The following RAB6A variants were observed in gnomAD, a reference collection of about 807,000 sequenced individuals.
RAB6A encodes the protein RAB6A, member RAS oncogene family, also known as ras-related protein Rab-6A.
A neutral mutation model predicts 32.3 loss-of-function variants in RAB6A; 8 were observed. The ratio of observed to expected loss-of-function variants is 0.25; its 90% confidence interval spans 0.15 to 0.45. The LOEUF (loss-of-function observed/expected upper bound fraction) is 0.45, where lower values mean the gene tolerates loss of function less well. Ranked by LOEUF, RAB6A falls within the 20% of genes least tolerant of loss-of-function variation. The pLI is 1.00. For synonymous variants in RAB6A, 73 were observed against 82.1 expected, an observed-to-expected ratio of 0.89 and a Z score of 0.60; for missense variants, 104 against 249.4, an observed-to-expected ratio of 0.42 and a Z score of 3.93.
chr11:73,679,250 G>A (rs369915597), intron 7 of RAB6A, among the ~76,000 whole-genome samples: 2 of 152,308 alleles, frequency 1.3e-5, no homozygotes, highest in Admixed American at 1.3e-4. Context: ...TCTGAAAGCA[G>A]AGGCTACAAT....
chr11:73,705,803 A>AGAGAGAGAGAGAGAGAG (rs1945832018), intron 6 of RAB6A, among the ~76,000 whole-genome samples: 1 of 145,284 alleles, frequency 6.9e-6, no homozygotes, highest in African/African-American at 2.5e-5. Context: ...AGAGAGAGAG[A>AGAGAGAGAGAGAGAGAG]TTTTCAATAT....
intron 1 of RAB6A, among the ~76,000 whole-genome samples, chr11:73,739,764 G>A (rs1449326085): frequency 6.6e-6 from 1 of 152,000 alleles, no homozygotes; most frequent in African/African-American, 2.4e-5. Flanking sequence ...GCATAAAAAA[G>A]AGAAGCCTCA....
chr11:73,717,004 T>C (rs557867016), intron 4 of RAB6A, among the ~76,000 whole-genome samples: 2 of 152,316 alleles, frequency 1.3e-5, no homozygotes, highest in Admixed American at 1.3e-4. Context: ...CATTTGTGGA[T>C]TTAAAAAAAA....
chr11:73,748,389 G>C (rs1946623745), intron 1 of RAB6A, among the ~76,000 whole-genome samples: 1 of 152,186 alleles, frequency 6.6e-6, no homozygotes, highest in Non-Finnish European at 1.5e-5. Flanking sequence ...TAGCAAAATA[G>C]TTACAATACG....
chr11:73,708,515 A>G (rs1227222718), intron 5 of RAB6A, among the ~76,000 whole-genome samples: 4 of 152,180 alleles, frequency 2.6e-5, no homozygotes, highest in African/African-American at 4.8e-5. Flanking sequence ...AAAGACATGT[A>G]TGGTAAAGCC....
chr11:73,710,735 T>C (rs193222664), intron 5 of RAB6A, among the ~76,000 whole-genome samples: 30 of 150,104 alleles, frequency 2.0e-4, no homozygotes, highest in Admixed American at 1.9e-3. Flanking sequence ...AGACTCAGTC[T>C]TGAAAAAAAA....
chr11:73,731,721 T>TACACACAC (rs1946312697), intron 1 of RAB6A, among the ~76,000 whole-genome samples: 1 of 11,142 alleles, frequency 9.0e-5, no homozygotes, highest in East Asian at 3.0e-3. Flanking sequence ...TATATATATA[T>TACACACAC]ATATATATAT....
At chr11:73,715,241 C>T in intron 5 of RAB6A, among the ~76,000 whole-genome samples, 1 of 152,122 alleles carries the variant, frequency 6.6e-6, no homozygotes, top group South Asian at 2.1e-4. Context: ...GTTCTCCTGC[C>T]TCAGCCTCCC....
intron 1 of RAB6A, among the ~76,000 whole-genome samples, chr11:73,759,701 G>A (rs554838139): frequency 6.6e-6 from 1 of 152,294 alleles, no homozygotes; most frequent in East Asian, 1.9e-4. Flanking sequence ...GTACCACCAT[G>A]AGACTCAGAC....
In RAB6A at chr11:73,722,305, G is replaced by GTGTGTATGTATATA. The variant is rs1238666420; in HGVS notation, c.130-1407_130-1406insTATATACATACACA. ...AAAATTCAAATATATATGTGTGTGT[G>GTGTGTATGTATATA]TATATATATATATATATATATATAT... On this transcript the variant is annotated intron_variant, in intron 2 of 7. Coordinates refer to ENST00000336083, the MANE Select transcript of RAB6A (RefSeq NM_198896.2). 2.0e-3 allele frequency: 84 copies of GTGTGTATGTATATA among 42,340 alleles called. 2 individuals carry two copies. Among genetic ancestry groups the GTGTGTATGTATATA allele is most frequent in the African/African-American group, 8.2e-3 (83 of 10,106 alleles). The allele number at this position is 42,340 out of a possible 1,614,324, so 2.6% of individuals were successfully genotyped here. A position where few individuals can be genotyped will look rare whatever the true frequency, so the allele number is the denominator to read the frequency against.
intron 1 of RAB6A, among the ~76,000 whole-genome samples, chr11:73,739,280 A>ATACATATATATATATATATATATATAT (rs1389085059): frequency 3.8e-4 from 7 of 18,418 alleles, no homozygotes; most frequent in Admixed American, 9.5e-4. Flanking sequence ...AAAAAAAAAA[A>ATACATATATATATATATATATATATAT]AAAAATATAT....
At chr11:73,685,959 C>G (rs905324161) in intron 6 of RAB6A, among the ~76,000 whole-genome samples, 2 of 146,186 alleles carry the variant, frequency 1.4e-5, no homozygotes, top group African/African-American at 5.1e-5. Flanking sequence ...TAAATGAACT[C>G]ATGGGCCTGC....
At chr11:73,737,265 G>C (rs548962487) in intron 1 of RAB6A, among the ~76,000 whole-genome samples, 1 of 152,190 alleles carries the variant, frequency 6.6e-6, no homozygotes, top group South Asian at 2.1e-4. Flanking sequence ...GAGGAGGATC[G>C]AGTGAATACA....
At position 73,750,417 on chromosome 11, in the gene RAB6A, T is replaced by TAGTG. The variant is rs1260565573; in HGVS notation, c.70+10148_70+10149insCACT. Among the ~76,000 whole-genome samples the TAGTG allele has an allele frequency of 5.2e-3, 782 of 151,764 alleles. 6 individuals are homozygous for TAGTG. Among genetic ancestry groups the TAGTG allele is most frequent in the African/African-American group, 0.017 (712 of 41,358 alleles). On this transcript the variant is annotated intron_variant, in intron 1 of 7. Transcript: ENST00000336083. Reference sequence around the variant, plus strand: ...CAGGCTGGAGTGCAGTGGCATGATGTCAGCTCACTGCAAACTCCACCTCCC... The same window carrying TAGTG: ...CAGGCTGGAGTGCAGTGGCATGATGTAGTGCAGCTCACTGCAAACTCCACCTCCC...
At position 73,676,510 on chromosome 11, in the gene RAB6A, A is replaced by G. The variant is rs1338372892; in HGVS notation, c.*1388T>C. ...AAAAAAAAAAGGCAAAGAAATAAAT[A>G]TCACCAAAGAAAAAAGATTAATTGT... On this transcript the variant is annotated 3_prime_UTR_variant, in exon 8 of 8. Coordinates refer to ENST00000336083, the MANE Select transcript of RAB6A (RefSeq NM_198896.2). The G allele has an allele frequency of 1.2e-5, 2 of 166,976 alleles. No individual in the cohort carries two copies. The highest frequency in any genetic ancestry group is 1.3e-4 in the Admixed American group (2 of 15,286). 10.3% of individuals were successfully genotyped at this position (166,976 alleles called of 1,614,324 possible).
chr11:73,714,114 C>T (rs1268412122), intron 5 of RAB6A, among the ~76,000 whole-genome samples: 2 of 148,178 alleles, frequency 1.3e-5, no homozygotes, highest in East Asian at 2.0e-4. Flanking sequence ...ATCACTTAAG[C>T]CTGGGAGACT....
rs964411142 is a variant in RAB6A at position 73,760,690 on chromosome 11, C to A, written c.-55G>T. 2 of 1,566,736 alleles carry A rather than the reference C, an allele frequency of 1.3e-6. No individual in the cohort carries two copies. The highest frequency in any genetic ancestry group is 1.7e-6 in the Non-Finnish European group (2 of 1,154,814). On this transcript the variant is annotated 5_prime_UTR_variant, in exon 1 of 8. Coordinates refer to ENST00000336083, the MANE Select transcript of RAB6A (RefSeq NM_198896.2). ...AGCCTAGAGACCTCCCGGACCGATG[C>A]TGCTCCAGCCAGCTGACGAAAAAGG...
chr11:73,739,306 A>T (rs1345231773), intron 1 of RAB6A, among the ~76,000 whole-genome samples: 16 of 57,498 alleles, frequency 2.8e-4, no homozygotes, highest in African/African-American at 6.8e-4. Flanking sequence ...TATATATATA[A>T]ATACTGGAAC....
At chr11:73,723,310 A>C (rs1946170406) in intron 2 of RAB6A, among the ~76,000 whole-genome samples, 1 of 151,636 alleles carries the variant, frequency 6.6e-6, no homozygotes, top group Non-Finnish European at 1.5e-5. Flanking sequence ...GATTTATTTT[A>C]CTTATTTTAT....
Sources: allele counts gnomAD v4.1 joint callset (sites outside exome capture counted in the v4.1 genomes callset), GRCh38; gene constraint gnomAD v4.1.1; transcripts MANE v1.5; gene names NCBI Gene and HGNC (gene_info 2026-07-23, HGNC 2026-07-21).